The following PHLDB2 variants were observed in gnomAD, a reference collection of about 807,000 sequenced individuals.
The protein encoded by PHLDB2 is pleckstrin homology-like domain family B member 2.
In PHLDB2, 71 loss-of-function variants were observed where a neutral mutation model predicts 123.6. That is an observed-to-expected ratio of 0.57 (90% CI 0.47 to 0.70). PHLDB2 has a LOEUF of 0.70. Among genes scored for constraint, PHLDB2 ranks in the 30% least tolerant of loss-of-function variants. The probability of loss-of-function intolerance (pLI) is 0.00; values close to 1 mark genes in which losing one functional copy is unlikely to be tolerated. For missense variants in PHLDB2, 1,446 were observed against 1,519.5 expected (o/e 0.95, Z 0.80); for synonymous variants, 547 against 541.6 (o/e 1.01, Z -0.14).
rs2070785007 is a variant in PHLDB2, at chr3:111,952,690, T to C, written c.2750T>C (p.Met917Thr). 1 of 1,613,572 alleles carries C rather than the reference T, an allele frequency of 6.2e-7. No individual in the cohort carries two copies. Among genetic ancestry groups the C allele is most frequent in the Non-Finnish European group, 8.5e-7 (1 of 1,179,796 alleles). The change falls in exon 11 of 18, where the codon ATG (methionine) becomes ACG (threonine). Residue 917 changes from methionine (M) to threonine (T), a missense_variant. Transcript: ENST00000431670. ...SISPHFSSATMGRSITPKAHL... is the reference protein window; with the variant it reads ...SISPHFSSATTGRSITPKAHL... ...TCCCCACATTTCAGCAGTGCTACTA[T>C]GGGGAGAAGCATCACCCCAAAGGTA...
At chr3:111,885,755 C>T (rs2066130528) in intron 2 of PHLDB2, 1 of 603,274 alleles carries the variant, frequency 1.7e-6, no homozygotes, top group East Asian at 2.8e-5. Context: ...GAAATGCTGA[C>T]TTGTATTATT....
intron 5 of PHLDB2, among the ~76,000 whole-genome samples, chr3:111,921,801 A>C (rs950862133): frequency 2.0e-5 from 3 of 152,102 alleles, no homozygotes; most frequent in Admixed American, 2.0e-4. Context: ...ACGGGGTTTC[A>C]CCATGTTAGC....
At chr3:111,753,526 T>A (rs1349522120) in intron 1 of PHLDB2, among the ~76,000 whole-genome samples, 1 of 151,124 alleles carries the variant, frequency 6.6e-6, no homozygotes, top group Admixed American at 6.6e-5. Flanking sequence ...TTTGTTTGAG[T>A]TCATTGTAGA....
At chr3:111,735,832 T>G (rs141252544) in intron 1 of PHLDB2, among the ~76,000 whole-genome samples, 17 of 152,314 alleles carry the variant, frequency 1.1e-4, no homozygotes, top group African/African-American at 4.1e-4. Context: ...CCTCTGCAAC[T>G]TGCCCAAGTC....
At chr3:111,962,068 A>G in intron 12 of PHLDB2, 40 bp from the exon 13 acceptor site, 1 of 1,563,934 alleles carries the variant, frequency 6.4e-7, no homozygotes, top group East Asian at 2.3e-5. Flanking sequence ...CAAAGACTGA[A>G]AAATGAGGCA....
At chr3:111,738,558 A>T (rs1292770628) in intron 1 of PHLDB2, among the ~76,000 whole-genome samples, 1 of 152,200 alleles carries the variant, frequency 6.6e-6, no homozygotes, top group South Asian at 2.1e-4. Context: ...CAGAGATGAG[A>T]AGGTTTTAAA....
rs149689881 is a variant in PHLDB2 at position 111,891,094 on chromosome 3, C to A, written c.1335+5682C>A. On this transcript the variant is annotated intron_variant, in intron 2 of 17. Transcript: ENST00000431670. The stretch of plus-strand genomic sequence containing the variant: ...TGGTTGGTGGTCATTTTAACTTCCT[C>A]ACTCTGAGCTATGTTTCAAGTAGAG... 4.7e-3 allele frequency among the ~76,000 whole-genome samples: 711 copies of A among 152,200 alleles called. 6 individuals carry two copies. Among genetic ancestry groups the A allele is most frequent in the African/African-American group, 0.016 (681 of 41,528 alleles).
intron 1 of PHLDB2, among the ~76,000 whole-genome samples, chr3:111,781,419 C>G (rs902128955): frequency 2.0e-5 from 3 of 152,060 alleles, no homozygotes; most frequent in African/African-American, 7.2e-5. Context: ...TCTGTATCCA[C>G]AGCCCTCCTG....
chr3:111,873,976 T>C (rs1482875111), intron 1 of PHLDB2, among the ~76,000 whole-genome samples: 1 of 152,218 alleles, frequency 6.6e-6, no homozygotes, highest in Non-Finnish European at 1.5e-5. Flanking sequence ...CTTACAGTCC[T>C]AGATTTTAAA....
chr3:111,942,275 T>TA (rs1201170448), intron 8 of PHLDB2, among the ~76,000 whole-genome samples: 1 of 152,242 alleles, frequency 6.6e-6, no homozygotes, highest in Non-Finnish European at 1.5e-5. Flanking sequence ...GATCTATAGA[T>TA]ACATTTTAAT....
intron 1 of PHLDB2, among the ~76,000 whole-genome samples, chr3:111,883,126 T>A (rs941535642): frequency 1.3e-5 from 2 of 152,138 alleles, no homozygotes; most frequent in African/African-American, 4.8e-5. Context: ...CTAAGAAAAT[T>A]TTTTTTTATC....
At chr3:111,792,864 T>C (rs137888887) in intron 1 of PHLDB2, among the ~76,000 whole-genome samples, 1 of 152,350 alleles carries the variant, frequency 6.6e-6, no homozygotes, top group African/African-American at 2.4e-5. Flanking sequence ...AATTTATTTC[T>C]GTGTACAAGA....
At chr3:111,973,484 A>C (rs1326707038) in intron 16 of PHLDB2, among the ~76,000 whole-genome samples, 1 of 152,194 alleles carries the variant, frequency 6.6e-6, no homozygotes, top group East Asian at 1.9e-4. Flanking sequence ...TTGACTGCTA[A>C]TCTGCTGGAG....
intron 1 of PHLDB2, among the ~76,000 whole-genome samples, chr3:111,786,101 G>A (rs1030426603): frequency 6.6e-6 from 1 of 152,044 alleles, no homozygotes; most frequent in Non-Finnish European, 1.5e-5. Flanking sequence ...ACCTCTCATG[G>A]ATACCAAAAT....
chr3:111,838,598 G>A (rs561578378), intron 1 of PHLDB2, among the ~76,000 whole-genome samples: 9 of 152,164 alleles, frequency 5.9e-5, no homozygotes, highest in Non-Finnish European at 1.0e-4. Context: ...GGAAAAAATA[G>A]TTGTAGGCTT....
chr3:111,809,744 G>A (rs969723992), intron 1 of PHLDB2, among the ~76,000 whole-genome samples: 7 of 152,208 alleles, frequency 4.6e-5, no homozygotes, highest in South Asian at 2.1e-4. Context: ...CCTGAAGTAA[G>A]AGTCACTTTA....
intron 1 of PHLDB2, chr3:111,778,451 TTAAGCCACCCAGTGTG>T (rs1174072784): frequency 6.6e-6 from 1 of 152,100 alleles, no homozygotes; most frequent in Non-Finnish European, 1.5e-5. Context: ...TTTCTGTTGT[TTAAGCCACCCAGTGTG>T]TAGTATTTTG....
intron 2 of PHLDB2, among the ~76,000 whole-genome samples, chr3:111,849,653 T>C: frequency 6.6e-6 from 1 of 152,234 alleles, no homozygotes; most frequent in African/African-American, 2.4e-5. Flanking sequence ...TCAGAAATTC[T>C]TAGTTCTTGT....
At chr3:111,826,802 G>A (rs1338594298) in intron 1 of PHLDB2, among the ~76,000 whole-genome samples, 1 of 152,146 alleles carries the variant, frequency 6.6e-6, no homozygotes, top group Non-Finnish European at 1.5e-5. Context: ...AACCAGAGCC[G>A]TCTGAGAGAA....
Sources: gnomAD v4.1 joint callset for allele counts (sites outside exome capture counted in the v4.1 genomes callset) on GRCh38, gnomAD v4.1.1 for gene constraint, MANE v1.5 for transcripts, NCBI Gene and HGNC (gene_info 2026-07-23, HGNC 2026-07-21) for gene names.